Variants in TENM3 observed in about 807,000 individuals in gnomAD.
TENM3 encodes teneurin-3.
TENM3 carries 63 observed loss-of-function variants against 255.1 expected under a neutral mutation model. The ratio of observed to expected loss-of-function variants is 0.25; its 90% CI spans 0.20 to 0.30. The LOEUF (loss-of-function observed/expected upper bound fraction) is 0.30, where lower values mean the gene tolerates loss of function less well. TENM3 is among the 10% of genes least tolerant of loss of function. The pLI is 1.00. For synonymous variants in TENM3, 1,306 were observed against 1,322.3 expected, an observed-to-expected ratio of 0.99 and a Z score of 0.27; for missense variants, 2,929 against 3,461.1, an observed-to-expected ratio of 0.85 and a Z score of 3.86.
chr4:181,616,417 G>A, the TENM3 span, among the ~76,000 whole-genome samples: 98,961 of 146,514 alleles, frequency 0.68, 33,563 homozygotes, highest in East Asian at 0.73. Flanking sequence ...ATATATATAA[G>A]TAGGGTATAC....
At chr4:181,733,224 A>G in the TENM3 span, among the ~76,000 whole-genome samples, 1 of 152,172 alleles carries the variant, frequency 6.6e-6, no homozygotes, top group Non-Finnish European at 1.5e-5. Context: ...AGAAAGGTAC[A>G]TAGATGTAAA....
At chr4:181,780,085 T>A in the TENM3 span, among the ~76,000 whole-genome samples, 1 of 152,194 alleles carries the variant, frequency 6.6e-6, no homozygotes, top group Non-Finnish European at 1.5e-5. Context: ...GGAATAGTGC[T>A]GCAATGAACA....
the TENM3 span, among the ~76,000 whole-genome samples, chr4:181,899,942 C>A: frequency 6.6e-6 from 1 of 151,932 alleles, no homozygotes; most frequent in Non-Finnish European, 1.5e-5. Context: ...GACCTTTTTT[C>A]TTGATTTTTA....
chr4:181,559,387 T>G, the TENM3 span, among the ~76,000 whole-genome samples: 1 of 152,200 alleles, frequency 6.6e-6, no homozygotes, highest in Non-Finnish European at 1.5e-5. Context: ...CTTGTAATTT[T>G]CTATGAGATT....
At chr4:181,969,892 T>G in the TENM3 span, among the ~76,000 whole-genome samples, 1 of 152,230 alleles carries the variant, frequency 6.6e-6, no homozygotes, top group Admixed American at 6.5e-5. Flanking sequence ...GTTAACGTGT[T>G]AACTGATTTA....
In TENM3 at chr4:182,229,786, TA is replaced by T. The variant is rs566387979; in HGVS notation, c.-76+85035del. Among the ~76,000 whole-genome samples, 4 of 152,278 alleles carry T rather than the reference TA, an allele frequency of 2.6e-5. No individual in the cohort carries two copies. In the East Asian group the frequency reaches 7.7e-4, roughly 29 times the overall value. On this transcript the variant is annotated intron_variant, in intron 1 of 2. Transcript: ENST00000512480. Reference sequence around the variant, plus strand: ...AATTTCCATTTCTCTTGTGATAACATAAATCATAATAAGAGTAACAAAGAAT... The same window carrying T: ...AATTTCCATTTCTCTTGTGATAACATAATCATAATAAGAGTAACAAAGAAT...
intron 3 of TENM3, among the ~76,000 whole-genome samples, chr4:182,552,047 A>C (rs1742090792): frequency 6.6e-6 from 1 of 152,044 alleles, no homozygotes; most frequent in Non-Finnish European, 1.5e-5. Context: ...AAAAAAGTTA[A>C]ATGATATGTA....
chr4:182,075,782 G>A, the TENM3 span, among the ~76,000 whole-genome samples: 7 of 152,108 alleles, frequency 4.6e-5, no homozygotes, highest in East Asian at 3.9e-4. Context: ...AGTGCCTGCC[G>A]TCTCACTCTA....
the TENM3 span, among the ~76,000 whole-genome samples, chr4:181,959,917 C>A: frequency 6.6e-6 from 1 of 152,132 alleles, no homozygotes; most frequent in Non-Finnish European, 1.5e-5. Flanking sequence ...GAGGCAGAAG[C>A]AACTAATGTT....
At chr4:181,616,199 A>G in the TENM3 span, among the ~76,000 whole-genome samples, 1 of 151,102 alleles carries the variant, frequency 6.6e-6, no homozygotes, top group South Asian at 2.1e-4. Context: ...ACAGGCTGAA[A>G]AGGGAATCAG....
At chr4:182,392,416 C>A (rs1043444154) in intron 3 of TENM3, among the ~76,000 whole-genome samples, 1 of 152,234 alleles carries the variant, frequency 6.6e-6, no homozygotes, top group Non-Finnish European at 1.5e-5. Flanking sequence ...TAAGCTCACA[C>A]CCCAGTGTAA....
At chr4:182,211,211 A>G (rs1755016279) in intron 1 of TENM3, among the ~76,000 whole-genome samples, 1 of 152,232 alleles carries the variant, frequency 6.6e-6, no homozygotes, top group Non-Finnish European at 1.5e-5. Context: ...CATAAAGCTC[A>G]TTCAACCCAC....
intron 3 of TENM3, among the ~76,000 whole-genome samples, chr4:182,584,205 G>A (rs1310320249): frequency 6.6e-6 from 1 of 152,132 alleles, no homozygotes; most frequent in Non-Finnish European, 1.5e-5. Context: ...AGAGCTAAAC[G>A]ACAAAGGATG....
chr4:182,176,349 A>G (rs1752489051), intron 1 of TENM3, among the ~76,000 whole-genome samples: 1 of 152,170 alleles, frequency 6.6e-6, no homozygotes, highest in Admixed American at 6.5e-5. Context: ...TGTGTGATTC[A>G]GTGTCACTGT....
chr4:182,387,275 T>A (rs1768017193), intron 3 of TENM3, among the ~76,000 whole-genome samples: 1 of 152,018 alleles, frequency 6.6e-6, no homozygotes, highest in South Asian at 2.1e-4. Context: ...AGTGCACCAA[T>A]CGACACTCTG....
chr4:181,451,374 A>C, the TENM3 span, among the ~76,000 whole-genome samples: 2 of 152,318 alleles, frequency 1.3e-5, no homozygotes, highest in Non-Finnish European at 1.5e-5. Context: ...CCTTGCAGAC[A>C]CCATTAAAGA....
At chr4:182,629,878 A>G (rs932405502) in intron 5 of TENM3, among the ~76,000 whole-genome samples, 6 of 152,222 alleles carry the variant, frequency 3.9e-5, no homozygotes, top group Non-Finnish European at 8.8e-5. Flanking sequence ...AAGTGAAATA[A>G]CCATTTTGTG....
rs569605085 is a variant in TENM3, at chr4:182,169,878, G to C, written c.-76+25124G>C. Among the ~76,000 whole-genome samples, 8 of 152,074 alleles carry C rather than the reference G, an allele frequency of 5.3e-5. No individual in the cohort carries two copies. The South Asian group carries it at 6.2e-4, about 12-fold the overall frequency. ...CATCTGAGGATTCAACTTGCTGACA[G>C]TGTTTTTGTAATTTAATCTTACCAT... On this transcript the variant is annotated intron_variant, in intron 1 of 2. Transcript: ENST00000512480.
chr4:181,786,327 A>C, the TENM3 span, among the ~76,000 whole-genome samples: 2 of 152,308 alleles, frequency 1.3e-5, no homozygotes, highest in South Asian at 4.1e-4. Flanking sequence ...TTCATAGGAG[A>C]TAAGACACAC....
Sources: gnomAD v4.1 joint callset for allele counts (sites outside exome capture counted in the v4.1 genomes callset) on GRCh38, gnomAD v4.1.1 for gene constraint, MANE v1.5 for transcripts, NCBI Gene and HGNC (gene_info 2026-07-23, HGNC 2026-07-21) for gene names.